The following SND1 variants were observed in gnomAD, a reference collection of about 807,000 sequenced individuals.
SND1 encodes the protein staphylococcal nuclease domain-containing protein 1.
SND1 carries 38 observed loss-of-function variants against 121.7 expected under a neutral mutation model. The ratio of observed to expected loss-of-function variants is 0.31; its 90% CI spans 0.24 to 0.41. SND1 has a LOEUF of 0.41. Ranked by LOEUF, SND1 falls within the 10% of genes least tolerant of loss-of-function variation. The pLI, the probability that SND1 is intolerant of heterozygous loss-of-function variation, is 1.00. For synonymous variants in SND1, 401 were observed against 447.4 expected (o/e 0.90, Z 1.31); for missense variants, 868 against 1,184.6 (o/e 0.73, Z 3.92).
chr7:127,735,938 A>G (rs916384617), intron 10 of SND1, among the ~76,000 whole-genome samples: 7 of 152,114 alleles, frequency 4.6e-5, no homozygotes, highest in Non-Finnish European at 1.0e-4. Context: ...CCTGACCTGT[A>G]TCTTTTAAAT....
intron 16 of SND1, among the ~76,000 whole-genome samples, chr7:128,055,690 A>G (rs568043061): frequency 6.6e-6 from 1 of 152,186 alleles, no homozygotes; most frequent in African/African-American, 2.4e-5. Flanking sequence ...GCTGAGGGAA[A>G]CTGAAGCTTC....
chr7:127,863,913 G>A, intron 12 of SND1, among the ~76,000 whole-genome samples: 1 of 152,088 alleles, frequency 6.6e-6, no homozygotes, highest in African/African-American at 2.4e-5. Context: ...CCCTGTCCTA[G>A]GTTATGTTGT....
chr7:128,067,614 G>A (rs966242284), intron 16 of SND1, among the ~76,000 whole-genome samples: 3 of 152,102 alleles, frequency 2.0e-5, no homozygotes, highest in Non-Finnish European at 4.4e-5. Flanking sequence ...TCCTTGGTAC[G>A]GGAGCATCCT....
chr7:128,061,415 GGAA>G (rs1377521576), intron 16 of SND1, among the ~76,000 whole-genome samples: 1 of 152,238 alleles, frequency 6.6e-6, no homozygotes, highest in African/African-American at 2.4e-5. Flanking sequence ...TGGGTAAAGT[GGAA>G]GAAGGAGTGT....
rs370124677 is a variant in SND1 at position 127,766,580 on chromosome 7, C to G, written c.1153-40904C>G. Among the ~76,000 whole-genome samples, 4 of 151,852 alleles carry G rather than the reference C, an allele frequency of 2.6e-5. No individual in the cohort carries two copies. In the South Asian group the frequency reaches 6.3e-4, roughly 24 times the overall value. On this transcript the variant is annotated intron_variant, in intron 10 of 23. Transcript: ENST00000354725. The stretch of plus-strand genomic sequence containing the variant: ...CACGAGGTCAGGAGATCAAGACCAT[C>G]CTGGCCAACGTGGTGAAACCCCGTC...
intron 16 of SND1, among the ~76,000 whole-genome samples, chr7:128,010,481 A>G (rs1264122939): frequency 6.6e-6 from 1 of 152,168 alleles, no homozygotes; most frequent in Admixed American, 6.5e-5. Flanking sequence ...CCCCCTTCTG[A>G]TGTCAGCCTG....
intron 16 of SND1, among the ~76,000 whole-genome samples, chr7:128,022,266 A>C (rs1803373250): frequency 6.6e-6 from 1 of 151,894 alleles, no homozygotes; most frequent in Non-Finnish European, 1.5e-5. Context: ...TAGATCAAGT[A>C]CTGTTTCTTT....
chr7:127,720,558 T>C (rs915931230), intron 9 of SND1, among the ~76,000 whole-genome samples: 2 of 151,992 alleles, frequency 1.3e-5, no homozygotes, highest in African/African-American at 2.4e-5. Flanking sequence ...CACAGAGGAG[T>C]ATTTATGCTT....
chr7:127,991,903 T>C (rs960890546), intron 16 of SND1, among the ~76,000 whole-genome samples: 3 of 152,164 alleles, frequency 2.0e-5, no homozygotes, highest in Admixed American at 6.5e-5. Context: ...CTGATTTGAA[T>C]TGCTAAGAAA....
chr7:127,681,666 A>G (rs1280695861), intron 1 of SND1, among the ~76,000 whole-genome samples: 1 of 152,126 alleles, frequency 6.6e-6, no homozygotes, highest in African/African-American at 2.4e-5. Flanking sequence ...TGTATATGGT[A>G]TGACGTAGAG....
chr7:127,879,386 G>A (rs1799749506), intron 12 of SND1, among the ~76,000 whole-genome samples: 1 of 152,218 alleles, frequency 6.6e-6, no homozygotes, highest in African/African-American at 2.4e-5. Flanking sequence ...CTTGCTAACT[G>A]TCTTTTGGGA....
intron 15 of SND1, among the ~76,000 whole-genome samples, chr7:127,947,124 C>G (rs1279093553): frequency 6.6e-6 from 1 of 152,188 alleles, no homozygotes; most frequent in African/African-American, 2.4e-5. Flanking sequence ...TGTTCAAATT[C>G]CAGACCAACT....
Position 128,081,447 on chromosome 7 carries a change from T to C in SND1, c.2056T>C (p.Phe686Leu), listed in dbSNP as rs1242837310. The C allele has an allele frequency of 6.2e-7, 1 of 1,614,182 alleles. No homozygotes were observed. The highest frequency in any genetic ancestry group is 8.5e-7 in the Non-Finnish European group (1 of 1,180,016). ...KERSASYKPV[F>L]VTEITDDLHF... Reference sequence around the variant, plus strand: ...GCGATCTGCTAGCTACAAGCCCGTGTTTGTGACTGAGATCACTGATGACCT... The same window carrying C: ...GCGATCTGCTAGCTACAAGCCCGTGCTTGTGACTGAGATCACTGATGACCT... The change falls in exon 18 of 24, where the codon TTT becomes CTT. Residue 686 changes from phenylalanine (F) to leucine (L), a missense_variant. Physicochemically the swap from Phe to Leu is conservative, Grantham distance 22. Coordinates refer to ENST00000354725, the MANE Select transcript of SND1 (RefSeq NM_014390.4).
rs555609883 is a variant in SND1 at position 127,713,906 on chromosome 7, G to A, written c.1038+6259G>A. Among the ~76,000 whole-genome samples the A allele has an allele frequency of 3.3e-5, 5 of 152,304 alleles. No individual in the cohort carries two copies. In the East Asian group the frequency reaches 5.8e-4, roughly 18 times the overall value. On this transcript the variant is annotated intron_variant, in intron 9 of 23. Coordinates refer to ENST00000354725, the MANE Select transcript of SND1 (RefSeq NM_014390.4). ...TCACAGCGATTAGCTGAGCTTGCCC[G>A]AGACTTTTGTGCCCGTCGTGGCCTG...
At chr7:127,815,717 C>T (rs770918653) in intron 11 of SND1, among the ~76,000 whole-genome samples, 2 of 152,034 alleles carry the variant, frequency 1.3e-5, no homozygotes, top group Non-Finnish European at 2.9e-5. Context: ...CTGCCTACAC[C>T]TTGATTTTCA....
chr7:127,835,518 G>T (rs2116631359), intron 11 of SND1, among the ~76,000 whole-genome samples: 1 of 152,182 alleles, frequency 6.6e-6, no homozygotes, highest in Admixed American at 6.5e-5. Context: ...GAATAAGAAG[G>T]GACATACAGG....
intron 1 of SND1, among the ~76,000 whole-genome samples, chr7:127,668,429 A>G (rs1321034494): frequency 2.0e-5 from 3 of 152,228 alleles, no homozygotes; most frequent in Admixed American, 2.0e-4. Context: ...ACATAAGAGA[A>G]TAATTGTTTA....
chr7:128,091,195 A>G (rs148918732), intron 22 of SND1, among the ~76,000 whole-genome samples: 86 of 152,290 alleles, frequency 5.6e-4, no homozygotes, highest in African/African-American at 1.4e-3. Flanking sequence ...GGAGTCAGGA[A>G]TGGGAGGGGA....
At chr7:127,939,988 T>G (rs537868395) in intron 15 of SND1, among the ~76,000 whole-genome samples, 1 of 152,324 alleles carries the variant, frequency 6.6e-6, no homozygotes, top group African/African-American at 2.4e-5. Context: ...AAATGAGGCC[T>G]GTCCTATGCA....
Sources: allele counts gnomAD v4.1 joint callset (sites outside exome capture counted in the v4.1 genomes callset), GRCh38; gene constraint gnomAD v4.1.1; transcripts MANE v1.5; gene names NCBI Gene and HGNC (gene_info 2026-07-23, HGNC 2026-07-21).